The following ERBB4 variants were observed in gnomAD, a reference collection of about 807,000 sequenced individuals.
The protein encoded by ERBB4 is receptor tyrosine-protein kinase erbB-4.
Under a neutral mutation model 158.0 loss-of-function variants are expected in ERBB4, and 42 were observed. That is an observed-to-expected ratio of 0.27 (90% confidence interval 0.21 to 0.34). ERBB4 has a LOEUF of 0.34. Ranked by LOEUF, ERBB4 falls within the 10% of genes least tolerant of loss-of-function variation. The pLI is 1.00. For synonymous variants in ERBB4, 583 were observed against 558.7 expected, an observed-to-expected ratio of 1.04 and a Z score of -0.61; for missense variants, 1,333 against 1,624.1, an observed-to-expected ratio of 0.82 and a Z score of 3.08.
intron 1 of ERBB4, among the ~76,000 whole-genome samples, chr2:212,127,616 A>G (rs1270285497): frequency 6.6e-6 from 1 of 152,164 alleles, no homozygotes; most frequent in Non-Finnish European, 1.5e-5. Flanking sequence ...ATTTAAAAAA[A>G]CACATTATGT....
intron 5 of ERBB4, among the ~76,000 whole-genome samples, chr2:211,744,769 G>A (rs1213459785): frequency 1.3e-5 from 2 of 152,140 alleles, no homozygotes; most frequent in East Asian, 1.9e-4. Context: ...AAATATATGC[G>A]TCACTTCAGT....
intron 19 of ERBB4, among the ~76,000 whole-genome samples, chr2:211,597,600 T>C (rs1359566511): frequency 1.3e-5 from 2 of 152,090 alleles, no homozygotes; most frequent in African/African-American, 4.8e-5. Context: ...ATGGTTAAAT[T>C]CTCATTATCA....
chr2:212,043,475 G>T (rs1386062217), intron 2 of ERBB4, among the ~76,000 whole-genome samples: 1 of 152,140 alleles, frequency 6.6e-6, no homozygotes, highest in Non-Finnish European at 1.5e-5. Flanking sequence ...TCTACTGACA[G>T]ATATTAAAGT....
At chr2:212,438,669 CTG>C (rs2092188927) in intron 1 of ERBB4, among the ~76,000 whole-genome samples, 1 of 152,038 alleles carries the variant, frequency 6.6e-6, no homozygotes, top group African/African-American at 2.4e-5. Flanking sequence ...GCATATCAAA[CTG>C]TTAATGATAA....
intron 7 of ERBB4, among the ~76,000 whole-genome samples, chr2:211,713,940 G>A (rs2073807004): frequency 6.6e-6 from 1 of 152,134 alleles, no homozygotes; most frequent in Non-Finnish European, 1.5e-5. Context: ...GTGACATTTA[G>A]CTTGTGTGTG....
At chr2:211,853,684 CA>C (rs1239124405) in intron 3 of ERBB4, among the ~76,000 whole-genome samples, 1 of 152,010 alleles carries the variant, frequency 6.6e-6, no homozygotes, top group African/African-American at 2.4e-5. Context: ...TACCTTATTC[CA>C]AAGCATACAC....
intron 2 of ERBB4, among the ~76,000 whole-genome samples, chr2:211,987,422 G>T (rs922509066): frequency 1.3e-5 from 2 of 150,126 alleles, no homozygotes; most frequent in Admixed American, 1.3e-4. Context: ...TAAATAAATT[G>T]AGGTCTTTTA....
chr2:212,001,683 G>A (rs1380320547), intron 2 of ERBB4, among the ~76,000 whole-genome samples: 3 of 152,172 alleles, frequency 2.0e-5, no homozygotes, highest in Non-Finnish European at 2.9e-5. Flanking sequence ...ACAGATCTCA[G>A]TCCAGCAGAA....
chr2:211,666,173 T>A (rs72945021), intron 14 of ERBB4, among the ~76,000 whole-genome samples: 10,653 of 152,166 alleles, frequency 0.07, 545 homozygotes, highest in Non-Finnish European at 0.099. Flanking sequence ...GTGAAAACAC[T>A]AAAAGTCATA....
At chr2:211,637,393 A>G (rs2070400932) in intron 16 of ERBB4, among the ~76,000 whole-genome samples, 1 of 151,970 alleles carries the variant, frequency 6.6e-6, no homozygotes, top group South Asian at 2.1e-4. Flanking sequence ...TAAACATAGC[A>G]AAAGGTCTGT....
At chr2:211,889,551 A>G (rs2078907695) in intron 3 of ERBB4, among the ~76,000 whole-genome samples, 1 of 151,132 alleles carries the variant, frequency 6.6e-6, no homozygotes, top group African/African-American at 2.4e-5. Flanking sequence ...ACAAAGCTGG[A>G]TGGAGAATGA....
At position 212,270,105 on chromosome 2, in the gene ERBB4, C is replaced by T. The variant is rs139437342; in HGVS notation, c.83-145202G>A. Among the ~76,000 whole-genome samples, 770 of 151,800 alleles carry T rather than the reference C, an allele frequency of 5.1e-3. 4 individuals carry two copies. Among genetic ancestry groups the T allele is most frequent in the Middle Eastern group, 0.017 (5 of 294 alleles). On this transcript the variant is annotated intron_variant, in intron 1 of 27. Transcript: ENST00000342788. Reference sequence around the variant, plus strand: ...ATTTTACCAGGGATGGTAAATTAAACAGAATTTTTATAATCTGTGTCAGAA... The same window carrying T: ...ATTTTACCAGGGATGGTAAATTAAATAGAATTTTTATAATCTGTGTCAGAA...
At chr2:211,940,808 ATC>A (rs958162074) in intron 3 of ERBB4, among the ~76,000 whole-genome samples, 16 of 152,108 alleles carry the variant, frequency 1.1e-4, no homozygotes, top group African/African-American at 3.9e-4. Context: ...TCTCCTTATT[ATC>A]TCTGATTCTT....
intron 12 of ERBB4, among the ~76,000 whole-genome samples, chr2:211,700,940 T>C (rs998805522): frequency 2.0e-5 from 3 of 152,186 alleles, no homozygotes; most frequent in Non-Finnish European, 4.4e-5. Flanking sequence ...GTCAGATGGT[T>C]GTACTCATAA....
chr2:212,206,589 C>CTTTTTGTTTTTTTTTTTTTTT (rs2082755329), intron 1 of ERBB4, among the ~76,000 whole-genome samples: 1 of 116,450 alleles, frequency 8.6e-6, no homozygotes, highest in Non-Finnish European at 1.8e-5. Context: ...CTGTTCTGTT[C>CTTTTTGTTTTTTTTTTTTTTT]TTTTTTTTTT....
Position 211,580,859 on chromosome 2 carries a change from GCA to G in ERBB4, c.2302-18773_2302-18772del, listed in dbSNP as rs2068069429. On this transcript the variant is annotated intron_variant, in intron 19 of 27. Transcript: ENST00000342788. The stretch of plus-strand genomic sequence containing the variant: ...AGATTATATATTATATATATAGTAT[GCA>G]TATACATATATATATATATATATAT... 2.5e-3 allele frequency among the ~76,000 whole-genome samples: 166 copies of G among 66,054 alleles called. 17 individuals carry two copies. Among genetic ancestry groups the G allele is most frequent in the African/African-American group, 0.01 (147 of 14,432 alleles). 43.3% of individuals were successfully genotyped at this position (66,054 alleles called of 152,430 possible).
At chr2:212,319,070 G>A (rs1336660641) in intron 1 of ERBB4, among the ~76,000 whole-genome samples, 2 of 151,534 alleles carry the variant, frequency 1.3e-5, no homozygotes, top group East Asian at 1.9e-4. Context: ...CAATACCTCA[G>A]GACTGTGAAC....
intron 20 of ERBB4, among the ~76,000 whole-genome samples, chr2:211,515,010 G>T (rs923430875): frequency 4.6e-5 from 7 of 152,146 alleles, no homozygotes; most frequent in African/African-American, 1.4e-4. Flanking sequence ...ATGAAAAAGG[G>T]ATTGATTACT....
intron 17 of ERBB4, among the ~76,000 whole-genome samples, chr2:211,628,215 C>T (rs1433039722): frequency 1.0e-4 from 6 of 59,666 alleles, no homozygotes; most frequent in East Asian, 5.0e-4. Context: ...ATGTGCACAA[C>T]GTGCAGGTTA....
Sources: allele counts gnomAD v4.1 joint callset (sites outside exome capture counted in the v4.1 genomes callset), GRCh38; gene constraint gnomAD v4.1.1; transcripts MANE v1.5; gene names NCBI Gene and HGNC (gene_info 2026-07-23, HGNC 2026-07-21).